TBCK: variants seen among roughly 807,000 people sequenced by gnomAD.
The protein encoded by TBCK is TBC domain-containing protein kinase-like protein.
In TBCK, 99 loss-of-function variants were observed where a neutral mutation model predicts 113.4. The observed-to-expected ratio is 0.87, with a 90% CI of 0.74 to 1.03. The LOEUF (loss-of-function observed/expected upper bound fraction) is 1.03. Among genes scored for constraint, TBCK ranks in the 50% least tolerant of loss-of-function variants. TBCK has a pLI of 0.00. For synonymous variants in TBCK, 369 were observed against 370.8 expected (o/e 1.00, Z 0.05); for missense variants, 1,045 against 1,061.3 (o/e 0.98, Z 0.21).
intron 25 of TBCK, among the ~76,000 whole-genome samples, chr4:106,094,838 G>A (rs529960802): frequency 5.3e-5 from 8 of 152,116 alleles, no homozygotes; most frequent in African/African-American, 1.2e-4. Context: ...TCCTGTACTC[G>A]TTCAACGTTG....
intron 3 of TBCK, among the ~76,000 whole-genome samples, chr4:106,268,741 T>C (rs1050851068): frequency 1.3e-5 from 2 of 152,108 alleles, no homozygotes; most frequent in African/African-American, 2.4e-5. Context: ...ACTAAATTGT[T>C]GAGAGAGATT....
At chr4:106,266,087 A>T (rs1019766741) in intron 3 of TBCK, among the ~76,000 whole-genome samples, 2 of 151,876 alleles carry the variant, frequency 1.3e-5, no homozygotes, top group African/African-American at 4.8e-5. Flanking sequence ...AACTAACTGT[A>T]TAAATGGCAA....
chr4:106,229,778 C>T (rs546069290), intron 19 of TBCK, among the ~76,000 whole-genome samples: 77 of 151,498 alleles, frequency 5.1e-4, no homozygotes, highest in African/African-American at 1.7e-3. Flanking sequence ...TCTAAATCTG[C>T]GTATTTTTAA....
intron 2 of TBCK, among the ~76,000 whole-genome samples, chr4:106,298,436 C>T (rs1766546826): frequency 6.8e-6 from 1 of 147,916 alleles, no homozygotes; most frequent in South Asian, 2.2e-4. Flanking sequence ...CTTGTCTCTA[C>T]TAAAAATATG....
chr4:106,261,978 A>G (rs1762550025), intron 4 of TBCK, 120 bp downstream of exon 4: 1 of 451,584 alleles, frequency 2.2e-6, no homozygotes, highest in Non-Finnish European at 3.8e-6. Flanking sequence ...TAGACTTTTC[A>G]TTATGAATAT....
intron 3 of TBCK, among the ~76,000 whole-genome samples, chr4:106,288,193 C>T (rs1014077274): frequency 3.3e-5 from 5 of 151,530 alleles, no homozygotes; most frequent in Non-Finnish European, 5.9e-5. Flanking sequence ...CAGGAGTTCG[C>T]GACCAGCCTG....
chr4:106,193,538 A>G (rs1242744357), intron 22 of TBCK, 71 bp downstream of exon 22: 1 of 1,557,660 alleles, frequency 6.4e-7, no homozygotes, highest in African/African-American at 1.4e-5. Flanking sequence ...TATTTTTGCC[A>G]ATGGCTTAAG....
intron 3 of TBCK, among the ~76,000 whole-genome samples, chr4:106,280,873 A>G (rs933760800): frequency 1.3e-5 from 2 of 152,038 alleles, no homozygotes; most frequent in Admixed American, 6.6e-5. Flanking sequence ...CTCCAGTTTC[A>G]TTCTTTTTGC....
At chr4:106,259,337 C>T (rs1204465694) in intron 5 of TBCK, among the ~76,000 whole-genome samples, 1 of 151,690 alleles carries the variant, frequency 6.6e-6, no homozygotes, top group Non-Finnish European at 1.5e-5. Context: ...TATCACAATT[C>T]TCAGTAACGG....
rs532233240 is a variant in TBCK at position 106,059,098 on chromosome 4, CAGAT to C, written c.2572-12422_2572-12419del. ...GAGGAAAGTGTAGGAACTTTGTAGA[CAGAT>C]AGCCCTGGGTCTGAATCACTACTCT... On this transcript the variant is annotated intron_variant, in intron 25 of 25. Coordinates refer to ENST00000394708, the MANE Select transcript of TBCK (RefSeq NM_001163435.3). 7.9e-5 allele frequency among the ~76,000 whole-genome samples: 12 copies of C among 151,842 alleles called. No homozygotes were observed. In the East Asian group the frequency reaches 2.1e-3, roughly 27 times the overall value.
chr4:106,123,289 A>G (rs1227214111), intron 23 of TBCK, among the ~76,000 whole-genome samples: 2 of 152,256 alleles, frequency 1.3e-5, no homozygotes, highest in African/African-American at 4.8e-5. Flanking sequence ...CAAAGAGAAT[A>G]AAACATCTAG....
intron 5 of TBCK, among the ~76,000 whole-genome samples, chr4:106,258,581 A>G (rs1762218318): frequency 6.6e-6 from 1 of 152,076 alleles, no homozygotes; most frequent in Non-Finnish European, 1.5e-5. Context: ...ATTCAAGTGT[A>G]GCTCTTACTT....
chr4:106,228,533 A>G (rs1346605694), intron 19 of TBCK, among the ~76,000 whole-genome samples: 1 of 151,910 alleles, frequency 6.6e-6, no homozygotes, highest in East Asian at 1.9e-4. Flanking sequence ...ATTTAACATA[A>G]TAACCTCCAG....
chr4:106,215,860 G>C (rs1283573416), intron 19 of TBCK, among the ~76,000 whole-genome samples: 1 of 151,714 alleles, frequency 6.6e-6, no homozygotes, highest in African/African-American at 2.4e-5. Context: ...TCTGCACCAA[G>C]CGGACCCAAT....
chr4:106,183,581 T>C (rs1184495960), intron 22 of TBCK, among the ~76,000 whole-genome samples: 1 of 152,084 alleles, frequency 6.6e-6, no homozygotes, highest in Non-Finnish European at 1.5e-5. Flanking sequence ...ACTGTGCCTG[T>C]CATATAGTAT....
At chr4:106,254,771 T>C (rs1272889482) in intron 5 of TBCK, among the ~76,000 whole-genome samples, 4 of 152,216 alleles carry the variant, frequency 2.6e-5, no homozygotes, top group East Asian at 3.9e-4. Flanking sequence ...GCCAGCCGTA[T>C]ACTAAATCAA....
In TBCK at chr4:106,233,606, T is replaced by C. The variant is rs1324121644; in HGVS notation, c.1494A>G (p.Pro498=). Residue 498 remains proline (P), a synonymous_variant, in exon 16 of 26, where the codon CCA becomes CCG. Transcript: ENST00000394708. ...ATCATACTTGTCTATCTGTAGGAATTGGAGTGTCTTTATCAATTGCATCGT... is the reference window on the plus strand; with the variant it reads ...ATCATACTTGTCTATCTGTAGGAATCGGAGTGTCTTTATCAATTGCATCGT... ...AKYDAIDKDT[P]IPTDRQIEVD... 1.9e-6 allele frequency: 3 copies of C among 1,611,372 alleles called. No individual in the cohort carries two copies. Among genetic ancestry groups the C allele is most frequent in the Non-Finnish European group, 2.5e-6 (3 of 1,178,528 alleles).
intron 24 of TBCK, among the ~76,000 whole-genome samples, chr4:106,113,976 A>G (rs1743183935): frequency 1.3e-5 from 2 of 152,168 alleles, no homozygotes; most frequent in African/African-American, 4.8e-5. Context: ...AACGGCACAC[A>G]TTGGACTAAG....
At chr4:106,114,769 C>T (rs1560665814) in intron 24 of TBCK, among the ~76,000 whole-genome samples, 1 of 152,086 alleles carries the variant, frequency 6.6e-6, no homozygotes, top group Non-Finnish European at 1.5e-5. Context: ...TGAATAAAGA[C>T]TCAAGCAAAA....
Sources: gnomAD v4.1 joint callset for allele counts (sites outside exome capture counted in the v4.1 genomes callset) on GRCh38, gnomAD v4.1.1 for gene constraint, MANE v1.5 for transcripts, NCBI Gene and HGNC (gene_info 2026-07-23, HGNC 2026-07-21) for gene names.